The following MYO16 variants were observed in gnomAD, a reference collection of about 807,000 sequenced individuals.
The protein encoded by MYO16 is myosin XVI, also known as unconventional myosin-XVI.
A neutral mutation model predicts 205.3 loss-of-function variants in MYO16; 94 were observed. The observed-to-expected ratio is 0.46, with a 90% CI of 0.39 to 0.54. The LOEUF (loss-of-function observed/expected upper bound fraction) is 0.54. MYO16 is among the 20% of genes least tolerant of loss of function. The probability of loss-of-function intolerance (pLI) is 0.00; values close to 1 mark genes in which losing one functional copy is unlikely to be tolerated. For synonymous variants in MYO16, 988 were observed against 954.0 expected, an observed-to-expected ratio of 1.04 and a Z score of -0.66; for missense variants, 2,315 against 2,387.5, an observed-to-expected ratio of 0.97 and a Z score of 0.63.
In MYO16 at chr13:109,141,249, C is replaced by T. The variant is rs761119782; in HGVS notation, c.5037C>T (p.Pro1679=). The change falls in exon 32 of 35, where the codon CCC becomes CCT. Residue 1679 remains proline, a synonymous_variant. Coordinates refer to ENST00000457511, the MANE Select transcript of MYO16 (RefSeq NM_001198950.3). The surrounding 1 kb of genome is among the most constrained non-coding windows in gnomAD (Gnocchi z 4.1). Reference sequence around the variant, plus strand: ...AGGCCGGCTCCAGTGCCTCGCCCCCCGCGCCCTACAGCCCTCCCAGCTCCA... The same window carrying T: ...AGGCCGGCTCCAGTGCCTCGCCCCCTGCGCCCTACAGCCCTCCCAGCTCCA... ...ARKAGSSASP[P]APYSPPSSRP... 10 of 1,606,126 alleles carry T rather than the reference C, an allele frequency of 6.2e-6. No homozygotes were observed. The highest frequency in any genetic ancestry group is 1.3e-5 in the African/African-American group (1 of 74,292).
intron 4 of MYO16, among the ~76,000 whole-genome samples, chr13:108,781,705 G>T (rs1475884609): frequency 3.1e-5 from 4 of 130,562 alleles, no homozygotes; most frequent in Non-Finnish European, 6.9e-5. Flanking sequence ...AATTTGAATT[G>T]TATCTCACAC....
intron 33 of MYO16, among the ~76,000 whole-genome samples, chr13:109,165,515 C>A (rs976667423): frequency 6.6e-6 from 1 of 152,148 alleles, no homozygotes; most frequent in Admixed American, 6.5e-5. Flanking sequence ...CTGAGGATCA[C>A]GCAAGTATTT....
At chr13:108,636,369 TTG>T (rs71125327) in intron 1 of MYO16, among the ~76,000 whole-genome samples, 91 of 51,308 alleles carry the variant, frequency 1.8e-3, no homozygotes, top group Middle Eastern at 0.01. Context: ...TTTTTTTTTT[TTG>T]TGTGTGTGTG....
the MYO16 span, among the ~76,000 whole-genome samples, chr13:108,579,522 C>A: frequency 1.3e-5 from 2 of 148,566 alleles, no homozygotes; most frequent in African/African-American, 2.5e-5. Flanking sequence ...CTCACTGCAA[C>A]CTCTGCCTTC....
chr13:108,984,573 A>G (rs999722300), intron 20 of MYO16, among the ~76,000 whole-genome samples: 2 of 152,140 alleles, frequency 1.3e-5, no homozygotes, highest in African/African-American at 2.4e-5. Context: ...CACCCCACCT[A>G]TCCAGATTAG....
the MYO16 span, among the ~76,000 whole-genome samples, chr13:108,551,405 A>G: frequency 6.6e-6 from 1 of 152,078 alleles, no homozygotes; most frequent in African/African-American, 2.4e-5. Context: ...CTATCTCTCT[A>G]AGCCTCATCT....
chr13:108,611,072 C>A lies in MYO16; in HGVS notation c.-39+14833C>A, dbSNP rs1194501087. 1.3e-5 allele frequency among the ~76,000 whole-genome samples: 2 copies of A among 152,124 alleles called. 1 individual carries two copies. The highest frequency in any genetic ancestry group is 2.9e-5 in the Non-Finnish European group (2 of 68,042). On this transcript the variant is annotated intron_variant, in intron 1 of 24. Coordinates refer to the MYO16 transcript ENST00000251041. ...GATATCCATTAGGTATCACATATAT[C>A]ATTTTGAAAATGATGTGTATTCTGC...
At chr13:108,732,705 G>C (rs1277445187) in intron 4 of MYO16, among the ~76,000 whole-genome samples, 1 of 152,192 alleles carries the variant, frequency 6.6e-6, no homozygotes, top group East Asian at 1.9e-4. Flanking sequence ...AAGAAGTGAC[G>C]TGATGGCTTC....
Position 109,019,838 on chromosome 13 carries a change from T to C in MYO16, c.2723T>C (p.Met908Thr). The change falls in exon 23 of 35, where the codon ATG (methionine) becomes ACG (threonine). Residue 908 changes from methionine to threonine, a missense_variant. Coordinates refer to ENST00000457511, the MANE Select transcript of MYO16 (RefSeq NM_001198950.3). ...AACACAAATGCGGTGTACTCCCCCA[T>C]GAAGGATGGGAATGGGAATGTTGCC... is the stretch of plus-strand genomic sequence containing the variant. ...SSNTNAVYSPMKDGNGNVALK... is the reference protein window; with the variant it reads ...SSNTNAVYSPTKDGNGNVALK... The C allele has an allele frequency of 1.2e-6, 2 of 1,614,090 alleles. No individual in the cohort carries two copies. The highest frequency in any genetic ancestry group is 1.7e-6 in the Non-Finnish European group (2 of 1,179,998).
At chr13:109,199,203 T>TAC in intron 34 of MYO16, among the ~76,000 whole-genome samples, 1 of 35,942 alleles carries the variant, frequency 2.8e-5, no homozygotes, top group East Asian at 8.1e-4. Flanking sequence ...TATATATATA[T>TAC]ATATATATAT....
At chr13:109,187,322 T>A (rs551019859) in intron 34 of MYO16, among the ~76,000 whole-genome samples, 2 of 152,362 alleles carry the variant, frequency 1.3e-5, no homozygotes, top group African/African-American at 4.8e-5. Flanking sequence ...TTGATTTTTT[T>A]AAAGTAGCTT....
At chr13:109,117,398 G>A (rs999404786) in intron 28 of MYO16, among the ~76,000 whole-genome samples, 1 of 146,030 alleles carries the variant, frequency 6.8e-6, no homozygotes, top group Admixed American at 6.9e-5. Context: ...GTGTATATAT[G>A]TATATATATA....
intron 12 of MYO16, 94 bp downstream of exon 12, chr13:108,866,336 C>T (rs907735078): frequency 1.4e-6 from 1 of 730,406 alleles, no homozygotes. Flanking sequence ...AACAGGCAAA[C>T]TTCTAAAAAA....
intron 33 of MYO16, among the ~76,000 whole-genome samples, chr13:109,167,505 C>T (rs548295102): frequency 1.3e-5 from 2 of 152,200 alleles, no homozygotes; most frequent in East Asian, 3.9e-4. Context: ...AGATGAAGTT[C>T]AGAAGGACAT....
intron 34 of MYO16, among the ~76,000 whole-genome samples, chr13:109,180,121 A>C (rs942027736): frequency 6.6e-6 from 1 of 152,184 alleles, no homozygotes; most frequent in African/African-American, 2.4e-5. Context: ...TGATGAGAAC[A>C]TGGTAAAATC....
At chr13:108,864,945 A>G (rs2139122542) in intron 11 of MYO16, among the ~76,000 whole-genome samples, 1 of 152,294 alleles carries the variant, frequency 6.6e-6, no homozygotes, top group Middle Eastern at 3.4e-3. Context: ...TAAGAGCACC[A>G]AAACTCTACT....
rs534779709 is a variant in MYO16, at chr13:109,037,644, T to C, written c.2797-9272T>C. Among the ~76,000 whole-genome samples the C allele has an allele frequency of 4.9e-3, 681 of 138,520 alleles. 8 individuals are homozygous for C. The highest frequency in any genetic ancestry group is 0.016 in the African/African-American group (608 of 37,008). The allele number at this position is 138,520 out of a possible 152,430, so 90.9% of individuals were successfully genotyped here. A position where few individuals can be genotyped will look rare whatever the true frequency, so the allele number is the denominator to read the frequency against. On this transcript the variant is annotated intron_variant, in intron 23 of 34. Transcript: ENST00000457511. Reference sequence around the variant, plus strand: ...GGTAGGTAGGAACAAGCCTTTTTATTTATCTCCAAAGCCACCGAGAGACAC... The same window carrying C: ...GGTAGGTAGGAACAAGCCTTTTTATCTATCTCCAAAGCCACCGAGAGACAC...
rs530818019 is a variant in MYO16, at chr13:108,662,610, C to A, written c.29-3276C>A. Among the ~76,000 whole-genome samples the A allele has an allele frequency of 2.9e-3, 441 of 152,266 alleles. 2 individuals are homozygous for A. The highest frequency in any genetic ancestry group is 9.3e-3 in the African/African-American group (388 of 41,548). On this transcript the variant is annotated intron_variant, in intron 1 of 34. Transcript: ENST00000457511. ...CAGGCAAACCTAAGGGCTGATCTCA[C>A]TCCCACCGTGCCCCACAAACCAACA... is the stretch of plus-strand genomic sequence containing the variant.
chr13:108,658,235 T>C (rs771043175), intron 1 of MYO16, among the ~76,000 whole-genome samples: 14 of 152,190 alleles, frequency 9.2e-5, no homozygotes, highest in Non-Finnish European at 2.1e-4. Flanking sequence ...TTTTAAAAAC[T>C]GATTTAATTT....
Sources: gnomAD v4.1 joint callset for allele counts (sites outside exome capture counted in the v4.1 genomes callset) on GRCh38, gnomAD v4.1.1 for gene constraint, Gnocchi (gnomAD v3.1) non-coding constraint, MANE v1.5 for transcripts, NCBI Gene and HGNC (gene_info 2026-07-23, HGNC 2026-07-21) for gene names.